LARGE1: variants seen among roughly 807,000 people sequenced by gnomAD.
LARGE1 encodes the protein xylosyl- and glucuronyltransferase LARGE1.
Under a neutral mutation model 87.6 loss-of-function variants are expected in LARGE1, and 43 were observed. The observed-to-expected ratio is 0.49, with a 90% CI of 0.38 to 0.63. The LOEUF (loss-of-function observed/expected upper bound fraction) is 0.63. Ranked by LOEUF, LARGE1 falls within the 30% of genes least tolerant of loss-of-function variation. The pLI is 0.00. For synonymous variants in LARGE1, 434 were observed against 394.6 expected (o/e 1.10, Z -1.18); for missense variants, 802 against 1,000.2 (o/e 0.80, Z 2.67).
chr22:33,120,117 A>G, the LARGE1 span, among the ~76,000 whole-genome samples: 8 of 152,148 alleles, frequency 5.3e-5, no homozygotes, highest in Admixed American at 5.2e-4. Flanking sequence ...AAAAAAAAGT[A>G]TATTTTTTAT....
intron 3 of LARGE1, among the ~76,000 whole-genome samples, chr22:33,649,586 C>T (rs1388601329): frequency 2.0e-5 from 3 of 152,140 alleles, no homozygotes; most frequent in Non-Finnish European, 4.4e-5. Flanking sequence ...ACCTGGAGTT[C>T]ACAGAAGTTA....
intron 3 of LARGE1, among the ~76,000 whole-genome samples, chr22:33,648,215 T>C (rs1390591726): frequency 1.3e-5 from 2 of 152,158 alleles, no homozygotes; most frequent in African/African-American, 2.4e-5. Flanking sequence ...GTCTACACAA[T>C]TGTACAGGGG....
At chr22:33,912,365 T>C (rs1403980555) in intron 1 of LARGE1, among the ~76,000 whole-genome samples, 1 of 152,094 alleles carries the variant, frequency 6.6e-6, no homozygotes, top group Non-Finnish European at 1.5e-5. Context: ...AATTTAAAAT[T>C]TAAAAAAAAG....
At chr22:33,351,172 T>C (rs1215169098) in intron 9 of LARGE1, among the ~76,000 whole-genome samples, 1 of 152,252 alleles carries the variant, frequency 6.6e-6, no homozygotes, top group African/African-American at 2.4e-5. Context: ...TCATAGCAAG[T>C]GTGCAATTAA....
At chr22:33,075,945 G>A in the LARGE1 span, among the ~76,000 whole-genome samples, 2 of 152,256 alleles carry the variant, frequency 1.3e-5, no homozygotes, top group East Asian at 3.9e-4. Context: ...CACGTTTACT[G>A]CGAGTGAGTC....
At chr22:33,526,404 G>A (rs550900447) in intron 6 of LARGE1, among the ~76,000 whole-genome samples, 2 of 152,234 alleles carry the variant, frequency 1.3e-5, no homozygotes, top group Non-Finnish European at 2.9e-5. Context: ...GGCTTGAGGG[G>A]AGAGAAGAGG....
At chr22:33,719,997 G>A (rs2083046828) in intron 2 of LARGE1, among the ~76,000 whole-genome samples, 1 of 152,154 alleles carries the variant, frequency 6.6e-6, no homozygotes, top group Admixed American at 6.5e-5. Context: ...CGGTTTTGTG[G>A]AAGACCATTT....
At chr22:33,684,575 T>C (rs2081888108) in intron 2 of LARGE1, among the ~76,000 whole-genome samples, 2 of 152,202 alleles carry the variant, frequency 1.3e-5, no homozygotes, top group Non-Finnish European at 2.9e-5. Flanking sequence ...TGGTTGCCTG[T>C]AACTCCATGC....
intron 2 of LARGE1, among the ~76,000 whole-genome samples, chr22:33,662,904 G>A (rs240346): frequency 0.55 from 83,080 of 151,998 alleles, 23,438 homozygotes; most frequent in Middle Eastern, 0.7. Context: ...TCCTTTGCCT[G>A]TAAGTGACTG....
intron 2 of LARGE1, among the ~76,000 whole-genome samples, chr22:33,738,047 C>G (rs1448289235): frequency 6.6e-6 from 1 of 152,154 alleles, no homozygotes; most frequent in African/African-American, 2.4e-5. Context: ...AGGGTATGAT[C>G]TGGGGGTGTG....
At chr22:33,463,725 T>C (rs1011324550) in intron 6 of LARGE1, among the ~76,000 whole-genome samples, 1 of 152,056 alleles carries the variant, frequency 6.6e-6, no homozygotes, top group Non-Finnish European at 1.5e-5. Flanking sequence ...CAGGCTGGAG[T>C]GCCGTGGCGC....
rs145268091 is a variant in LARGE1 at position 33,519,972 on chromosome 22, C to A, written c.787+44876G>T. Among the ~76,000 whole-genome samples the A allele has an allele frequency of 1.7e-4, 24 of 143,462 alleles. No individual in the cohort carries two copies. In the East Asian group the frequency reaches 4.4e-3, roughly 27 times the overall value. 94.1% of individuals were successfully genotyped at this position (143,462 alleles called of 152,430 possible). On this transcript the variant is annotated intron_variant, in intron 6 of 14. Coordinates refer to ENST00000397394, the MANE Select transcript of LARGE1 (RefSeq NM_133642.5). The stretch of plus-strand genomic sequence containing the variant: ...CTTGCTGAGAGGCTAAGAGACTGTT[C>A]GTCTATCTGTTTCAGTGGTTTTTCT...
At chr22:33,742,655 A>G (rs918624392) in intron 2 of LARGE1, among the ~76,000 whole-genome samples, 2 of 152,220 alleles carry the variant, frequency 1.3e-5, no homozygotes, top group African/African-American at 4.8e-5. Flanking sequence ...AGCACTGCCT[A>G]ATAAAACCAC....
At chr22:33,564,120 G>A (rs951549577) in intron 6 of LARGE1, among the ~76,000 whole-genome samples, 5 of 152,072 alleles carry the variant, frequency 3.3e-5, no homozygotes, top group Non-Finnish European at 7.4e-5. Context: ...TTTCACTGTC[G>A]AATTTCTTTC....
chr22:33,754,363 G>A (rs2084430118), intron 2 of LARGE1, among the ~76,000 whole-genome samples: 1 of 150,172 alleles, frequency 6.7e-6, no homozygotes, highest in African/African-American at 2.5e-5. Flanking sequence ...TTGAGACGGA[G>A]TCTTGCTCTG....
chr22:33,123,571 A>C, the LARGE1 span, among the ~76,000 whole-genome samples: 1 of 152,254 alleles, frequency 6.6e-6, no homozygotes, highest in Admixed American at 6.5e-5. Flanking sequence ...AAGAAGGTGT[A>C]AGTATAGGTA....
chr22:33,098,553 G>A, the LARGE1 span, among the ~76,000 whole-genome samples: 1,361 of 152,230 alleles, frequency 8.9e-3, 10 homozygotes, highest in Middle Eastern at 0.034. Context: ...CCCAGGAGGC[G>A]GAGCTTACAG....
intron 5 of LARGE1, among the ~76,000 whole-genome samples, chr22:33,589,663 T>C (rs2078781064): frequency 1.3e-5 from 2 of 152,328 alleles, no homozygotes; most frequent in Non-Finnish European, 2.9e-5. Flanking sequence ...GCAAGATTCA[T>C]TTATCATTAC....
intron 4 of LARGE1, among the ~76,000 whole-genome samples, chr22:33,606,255 A>T (rs1480286139): frequency 6.6e-6 from 1 of 151,994 alleles, no homozygotes; most frequent in South Asian, 2.1e-4. Context: ...AACACAAAAA[A>T]TTAGCCTGGT....
Sources: allele counts gnomAD v4.1 joint callset (sites outside exome capture counted in the v4.1 genomes callset), GRCh38; gene constraint gnomAD v4.1.1; transcripts MANE v1.5; gene names NCBI Gene and HGNC (gene_info 2026-07-23, HGNC 2026-07-21).